BCAS3: variants seen among roughly 807,000 people sequenced by gnomAD.
The protein encoded by BCAS3 is BCAS3 microtubule associated cell migration factor.
In BCAS3, 53 loss-of-function variants were observed where a neutral mutation model predicts 116.1. That is an observed-to-expected ratio of 0.46 (90% CI 0.37 to 0.57). The LOEUF is 0.57. Among genes scored for constraint, BCAS3 ranks in the 20% least tolerant of loss-of-function variants. The pLI is 0.00. For missense variants in BCAS3, 917 were observed against 1,165.4 expected, an observed-to-expected ratio of 0.79 and a Z score of 3.10; for synonymous variants, 391 against 408.2, an observed-to-expected ratio of 0.96 and a Z score of 0.51.
rs1042529447 is a variant in BCAS3, at chr17:61,327,875, T to C, written c.2426-40452T>C. Among the ~76,000 whole-genome samples the C allele has an allele frequency of 6.6e-6, 1 of 152,226 alleles. No individual in the cohort carries two copies. The highest frequency in any genetic ancestry group is 6.5e-5 in the Admixed American group (1 of 15,280). ...AGGAACTTAGTGGTAGGTGTGACTT[T>C]AAGGTTTGCAATGGTTGATCAGACA... On this transcript the variant is annotated intron_variant, in intron 22 of 23. Coordinates refer to ENST00000407086, the MANE Select transcript of BCAS3 (RefSeq NM_017679.5). The surrounding 1 kb of genome is among the most constrained non-coding windows in gnomAD (Gnocchi z 5.9).
intron 13 of BCAS3, among the ~76,000 whole-genome samples, chr17:60,928,618 A>C (rs1380986772): frequency 6.6e-6 from 1 of 152,316 alleles, no homozygotes; most frequent in East Asian, 1.9e-4. Flanking sequence ...ATTTACTTTC[A>C]GCTTTGAGTA....
At chr17:60,730,501 C>G (rs1332605542) in intron 5 of BCAS3, among the ~76,000 whole-genome samples, 1 of 152,028 alleles carries the variant, frequency 6.6e-6, no homozygotes, top group East Asian at 1.9e-4. Flanking sequence ...ATGGTATACA[C>G]AGTAGGTTAC....
chr17:61,257,751 GACTTAC>G (rs1208968579), intron 22 of BCAS3, among the ~76,000 whole-genome samples: 2 of 152,176 alleles, frequency 1.3e-5, no homozygotes, highest in East Asian at 1.9e-4. Context: ...ATAAATGTGT[GACTTAC>G]ACTTAGCTTG....
chr17:61,015,254 A>C (rs2065373668), intron 15 of BCAS3, among the ~76,000 whole-genome samples: 1 of 152,202 alleles, frequency 6.6e-6, no homozygotes, highest in Non-Finnish European at 1.5e-5. Flanking sequence ...ATATGTTAAT[A>C]ATTAAGTCAC....
chr17:60,842,309 GT>G (rs1238649386), intron 7 of BCAS3, among the ~76,000 whole-genome samples: 1 of 151,888 alleles, frequency 6.6e-6, no homozygotes, highest in Non-Finnish European at 1.5e-5. Flanking sequence ...TCAGCTTTAT[GT>G]TTTTTTGGTA....
intron 7 of BCAS3, among the ~76,000 whole-genome samples, chr17:60,824,319 A>G (rs555075880): frequency 2.0e-5 from 3 of 152,226 alleles, no homozygotes; most frequent in Admixed American, 2.0e-4. Flanking sequence ...ATCTTTTATG[A>G]TGATGATTTT....
At chr17:61,287,108 C>T (rs1299525033) in intron 22 of BCAS3, among the ~76,000 whole-genome samples, 2 of 151,982 alleles carry the variant, frequency 1.3e-5, no homozygotes, top group South Asian at 2.1e-4. Flanking sequence ...ATTAGCCGGG[C>T]GTGGTGGCGG....
chr17:60,917,748 A>G lies in BCAS3; in HGVS notation c.994-6659A>G, dbSNP rs149324351. ...AGCTGGATTACAGGCATCTGCCACC[A>G]TGTCTGGCTAATTCTTGTATTTTTT... is the stretch of plus-strand genomic sequence containing the variant. On this transcript the variant is annotated intron_variant, in intron 12 of 23. Coordinates refer to ENST00000407086, the MANE Select transcript of BCAS3 (RefSeq NM_017679.5). 2.4e-3 allele frequency among the ~76,000 whole-genome samples: 358 copies of G among 152,136 alleles called. 3 individuals are homozygous for G. The highest frequency in any genetic ancestry group is 8.3e-3 in the African/African-American group (344 of 41,506).
chr17:60,794,703 C>G (rs1568267058), intron 6 of BCAS3, among the ~76,000 whole-genome samples: 1 of 152,156 alleles, frequency 6.6e-6, no homozygotes, highest in Non-Finnish European at 1.5e-5. Context: ...TGTTGAAGAT[C>G]AGTTGACTGT....
chr17:61,349,468 GGTCCAGTGGAAATTCTGCACTTAGATTA>G lies in BCAS3; in HGVS notation c.2426-18858_2426-18831del, dbSNP rs1257288025. Among the ~76,000 whole-genome samples, 8 of 147,912 alleles carry G rather than the reference GGTCCAGTGGAAATTCTGCACTTAGATTA, an allele frequency of 5.4e-5. No homozygotes were observed. The highest frequency in any genetic ancestry group is 3.4e-4 in the Admixed American group (5 of 14,800). ...TGGGAAATTCTGCACTTAGATTATT[GGTCCAGTGGAAATTCTGCACTTAGATTA>G]TTGGTCCAGCTCTGCTTCTCCGAAA... On this transcript the variant is annotated intron_variant, in intron 22 of 23. Transcript: ENST00000407086. The surrounding 1 kb of genome is among the most constrained non-coding windows in gnomAD (Gnocchi z 4.7).
chr17:60,990,162 G>C lies in BCAS3; in HGVS notation c.1413G>C (p.Leu471=). The part of the protein sequence containing the change: ...SAGLEEIEQE[L]TSKQGGRCSP... ...GACTGGAAGAGATTGAACAAGAACT[G>C]ACGTCTAAGCAAGGAGGTCGCTGTA... Residue 471 remains leucine, a synonymous_variant, in exon 15 of 24, where the codon CTG becomes CTC. Coordinates refer to ENST00000407086, the MANE Select transcript of BCAS3 (RefSeq NM_017679.5). This position sits in a 1 kb window ranked among gnomAD's most constrained non-coding sequence, Gnocchi z 5.1. 1 of 1,614,204 alleles carries C rather than the reference G, an allele frequency of 6.2e-7. No homozygotes were observed. The highest frequency in any genetic ancestry group is 8.5e-7 in the Non-Finnish European group (1 of 1,180,042).
intron 22 of BCAS3, among the ~76,000 whole-genome samples, chr17:61,301,812 A>G (rs1277258655): frequency 6.6e-6 from 1 of 152,132 alleles, no homozygotes; most frequent in African/African-American, 2.4e-5. Flanking sequence ...CATAGATCTC[A>G]TGGAGGCCTG....
rs2039640456 is a variant in BCAS3 at position 60,724,701 on chromosome 17, AAC to A, written c.321+15378_321+15379del. Among the ~76,000 whole-genome samples the A allele has an allele frequency of 2.0e-5, 3 of 151,730 alleles. No homozygotes were observed. In the South Asian group the frequency reaches 6.3e-4, roughly 32 times the overall value. On this transcript the variant is annotated intron_variant, in intron 5 of 23. Transcript: ENST00000407086. ...GATTGCCACTGCACTCTAGCCTGAC[AAC>A]AGAGTGAGACTTCCTCTAAAAAAAA...
At position 60,924,428 on chromosome 17, in the gene BCAS3, G is replaced by C. The variant is rs768375405; in HGVS notation, c.1015G>C (p.Asp339His). 1 of 1,613,438 alleles carries C rather than the reference G, an allele frequency of 6.2e-7. No individual in the cohort carries two copies. The highest frequency in any genetic ancestry group is 8.5e-7 in the Non-Finnish European group (1 of 1,179,752). The change falls in exon 13 of 24, where the codon GAC becomes CAC. Residue 339 changes from aspartate (D) to histidine (H), a missense_variant. Transcript: ENST00000407086. ...EGQVLVSEDS[D>H]SDGIVAHFPA... Reference sequence around the variant, plus strand: ...GAAGGTGCTTGTGAGTGAGGATTCTGACAGTGATGGCATTGTGGCCCACTT... The same window carrying C: ...GAAGGTGCTTGTGAGTGAGGATTCTCACAGTGATGGCATTGTGGCCCACTT...
intron 22 of BCAS3, among the ~76,000 whole-genome samples, chr17:61,225,456 A>G (rs1162547619): frequency 6.6e-6 from 1 of 152,180 alleles, no homozygotes; most frequent in African/African-American, 2.4e-5. Context: ...CAGTTTGTCA[A>G]GATCTCTCTA....
chr17:60,856,157 C>T (rs543129386), intron 7 of BCAS3, among the ~76,000 whole-genome samples: 1 of 152,216 alleles, frequency 6.6e-6, no homozygotes, highest in South Asian at 2.1e-4. Context: ...GCAAAAACTA[C>T]CATCTTTTCC....
intron 6 of BCAS3, among the ~76,000 whole-genome samples, chr17:60,790,121 C>A (rs2144534250): frequency 6.6e-6 from 1 of 152,052 alleles, no homozygotes; most frequent in East Asian, 1.9e-4. Flanking sequence ...ATTTTAGCTT[C>A]TTTGATTATC....
At chr17:60,688,364 A>G (rs986830277) in intron 3 of BCAS3, among the ~76,000 whole-genome samples, 1 of 151,986 alleles carries the variant, frequency 6.6e-6, no homozygotes, top group Non-Finnish European at 1.5e-5. Flanking sequence ...CAGTGGCACT[A>G]TCATGGCTCA....
At chr17:60,860,658 A>G (rs944764563) in intron 7 of BCAS3, among the ~76,000 whole-genome samples, 1 of 152,182 alleles carries the variant, frequency 6.6e-6, no homozygotes, top group Non-Finnish European at 1.5e-5. Flanking sequence ...ATTTTTGTAT[A>G]CAGTGGAAAG....
Sources: gnomAD v4.1 joint callset for allele counts (sites outside exome capture counted in the v4.1 genomes callset) on GRCh38, gnomAD v4.1.1 for gene constraint, Gnocchi (gnomAD v3.1) non-coding constraint, MANE v1.5 for transcripts, NCBI Gene and HGNC (gene_info 2026-07-23, HGNC 2026-07-21) for gene names.